The following PCDHGB2 variants were observed in gnomAD, a reference collection of about 807,000 sequenced individuals.
The protein encoded by PCDHGB2 is protocadherin gamma-B2.
A neutral mutation model predicts 59.3 loss-of-function variants in PCDHGB2; 55 were observed. The ratio of observed to expected loss-of-function variants is 0.93; its 90% CI spans 0.75 to 1.16. The LOEUF is 1.16. Among genes scored for constraint, PCDHGB2 ranks in the 50% most tolerant of loss-of-function variants. The pLI is 0.00. For synonymous variants in PCDHGB2, 516 were observed against 512.0 expected, an observed-to-expected ratio of 1.01 and a Z score of -0.11; for missense variants, 1,228 against 1,198.5, an observed-to-expected ratio of 1.02 and a Z score of -0.36.
rs1230185523 is a variant in PCDHGB2, at chr5:141,413,155, G to C, written c.2421+50599G>C. 10 of 1,576,552 alleles carry C rather than the reference G, an allele frequency of 6.3e-6. No individual in the cohort carries two copies. The South Asian group carries it at 1.2e-4, about 18-fold the overall frequency. ...CAACGTGTCCAGTGAGGACTTTGCA[G>C]AATTCTGTAACCAGACTACAATGGC... On this transcript the variant is annotated intron_variant, in intron 1 of 3. Coordinates refer to ENST00000522605, the MANE Select transcript of PCDHGB2 (RefSeq NM_018923.3).
In PCDHGB2 at chr5:141,371,087, T is replaced by C. The variant is rs761408104; in HGVS notation, c.2421+8531T>C. ...GCTGTACCACCCAGATCAGGGTAAT[T>C]GTCGCAGATGCAAATGATAACCCCC... On this transcript the variant is annotated intron_variant, in intron 1 of 3. Transcript: ENST00000522605. 8 of 1,613,772 alleles carry C rather than the reference T, an allele frequency of 5.0e-6. No individual in the cohort carries two copies. The South Asian group carries it at 8.8e-5, about 18-fold the overall frequency.
At chr5:141,370,963 G>A in intron 1 of PCDHGB2, 1 of 1,614,018 alleles carries the variant, frequency 6.2e-7, no homozygotes, top group Non-Finnish European at 8.5e-7. Flanking sequence ...GATGGCAGTA[G>A]GTACCCAGAG....
Position 141,371,988 on chromosome 5 carries a change from C to T in PCDHGB2, c.2421+9432C>T, listed in dbSNP as rs1283820650. 4 of 1,613,144 alleles carry T rather than the reference C, an allele frequency of 2.5e-6. No homozygotes were observed. The African/African-American group carries it at 5.3e-5, about 22-fold the overall frequency. The stretch of plus-strand genomic sequence containing the variant: ...GCAGCTGCGTGCCTTCGAGCTCACT[C>T]TGCAGGCCCGCGACCAGGGCTCGCC... On this transcript the variant is annotated intron_variant, in intron 1 of 3. Coordinates refer to ENST00000522605, the MANE Select transcript of PCDHGB2 (RefSeq NM_018923.3).
rs376661062 is a variant in PCDHGB2, at chr5:141,432,185, G to T, written c.2422-62622G>T. 6.2e-6 allele frequency: 10 copies of T among 1,613,956 alleles called. No individual in the cohort carries two copies. The highest frequency in any genetic ancestry group is 8.5e-6 in the Non-Finnish European group (10 of 1,180,030). ...AGGAGTTTCCCTCGTCTCTGTGACC[G>T]CCCACGACCCCGACTGTGAAGAGAA... On this transcript the variant is annotated intron_variant, in intron 1 of 3. Coordinates refer to ENST00000522605, the MANE Select transcript of PCDHGB2 (RefSeq NM_018923.3). The surrounding 1 kb of genome is among the most constrained non-coding windows in gnomAD (Gnocchi z 6.0).
chr5:141,367,803 T>C (rs760615921), intron 1 of PCDHGB2: 4 of 152,152 alleles, frequency 2.6e-5, no homozygotes, highest in African/African-American at 7.2e-5. Flanking sequence ...TCTTCTGTTA[T>C]AGATAAACCC....
intron 1 of PCDHGB2, chr5:141,399,997 A>C (rs2093936203): frequency 6.2e-7 from 1 of 1,612,226 alleles, no homozygotes; most frequent in African/African-American, 1.3e-5. Context: ...AGAGGTGCGC[A>C]CAGCGCGTGC....
At chr5:141,421,979 G>A in intron 1 of PCDHGB2, 1 of 1,609,702 alleles carries the variant, frequency 6.2e-7, no homozygotes, top group Non-Finnish European at 8.5e-7. Context: ...TATCGCGTGA[G>A]TGTTCCAGAA....
chr5:141,390,104 C>T, intron 1 of PCDHGB2: 1 of 1,614,070 alleles, frequency 6.2e-7, no homozygotes, highest in East Asian at 2.2e-5. Context: ...TTCCCCCCAA[C>T]TACAGCGAGG....
chr5:141,450,755 G>A (rs556795021), intron 1 of PCDHGB2, among the ~76,000 whole-genome samples: 8 of 152,040 alleles, frequency 5.3e-5, no homozygotes, highest in Admixed American at 1.3e-4. Context: ...CCAAAGTGCC[G>A]GGATTACAGG....
chr5:141,408,789 T>C, intron 1 of PCDHGB2: 1 of 1,612,724 alleles, frequency 6.2e-7, no homozygotes, highest in Non-Finnish European at 8.5e-7. Context: ...GAGTTATCTC[T>C]GGAGAAACTC....
At chr5:141,473,228 A>T (rs549587219) in intron 1 of PCDHGB2, among the ~76,000 whole-genome samples, 1 of 152,296 alleles carries the variant, frequency 6.6e-6, no homozygotes, top group African/African-American at 2.4e-5. Context: ...GGGAGATTGG[A>T]TCCACACAAG....
rs1368632691 is a variant in PCDHGB2 at position 141,485,071 on chromosome 5, C to A, written c.2422-9736C>A. ...GCCGGCCGAACCGCGCCAGAGCTGG[C>A]GCGGGGAAAGGGAGATAGGTGTCTC... On this transcript the variant is annotated intron_variant, in intron 1 of 3. Coordinates refer to ENST00000522605, the MANE Select transcript of PCDHGB2 (RefSeq NM_018923.3). This position sits in a 1 kb window ranked among gnomAD's most constrained non-coding sequence, Gnocchi z 5.7. 3.3e-6 allele frequency: 3 copies of A among 913,030 alleles called. No individual in the cohort carries two copies. Among genetic ancestry groups the A allele is most frequent in the Non-Finnish European group, 5.1e-6 (3 of 584,604 alleles). 56.6% of individuals were successfully genotyped at this position (913,030 alleles called of 1,614,324 possible).
chr5:141,485,174 A>G lies in PCDHGB2; in HGVS notation c.2422-9633A>G. 6.2e-7 allele frequency: 1 copy of G among 1,611,406 alleles called. No individual in the cohort carries two copies. The highest frequency in any genetic ancestry group is 8.5e-7 in the Non-Finnish European group (1 of 1,177,898). ...AGTAGAGAATTAGCGGGCGGCAGCA[A>G]TGCTCCGCAAGGTGAGAAGCTGGAC... On this transcript the variant is annotated intron_variant, in intron 1 of 3. Coordinates refer to ENST00000522605, the MANE Select transcript of PCDHGB2 (RefSeq NM_018923.3). The surrounding 1 kb of genome is among the most constrained non-coding windows in gnomAD (Gnocchi z 5.7).
chr5:141,381,826 C>CTTTTTTTTTTTTTTTTTTTTTTTTTTTTT (rs770630741), intron 1 of PCDHGB2, among the ~76,000 whole-genome samples: 16 of 74,292 alleles, frequency 2.2e-4, no homozygotes, highest in Admixed American at 5.8e-4. Context: ...CTTTCTTCTT[C>CTTTTTTTTTTTTTTTTTTTTTTTTTTTTT]TTTTTTTTTT....
intron 1 of PCDHGB2, among the ~76,000 whole-genome samples, chr5:141,425,111 A>G (rs2096857405): frequency 6.6e-6 from 1 of 152,144 alleles, no homozygotes; most frequent in Admixed American, 6.5e-5. Context: ...AGATGCCTAC[A>G]TTTTTCTTGA....
At chr5:141,414,085 G>C (rs1459185694) in intron 1 of PCDHGB2, 1 of 1,600,126 alleles carries the variant, frequency 6.2e-7, no homozygotes, top group Non-Finnish European at 8.5e-7. Context: ...ATATACTGGA[G>C]AAATAAAAAT....
Position 141,505,388 on chromosome 5 carries a change from C to T in PCDHGB2, c.2481-5C>T, listed in dbSNP as rs756505223. ...TCTGTGCTCACCATCCTACTCTCTCCCCAGCTCCCAAAATGGCGATGACAC... is the reference window on the plus strand; with the variant it reads ...TCTGTGCTCACCATCCTACTCTCTCTCCAGCTCCCAAAATGGCGATGACAC... On this transcript the variant is annotated splice_polypyrimidine_tract_variant and splice_region_variant and intron_variant, in intron 2 of 3. Transcript: ENST00000522605. The T allele has an allele frequency of 6.2e-7, 1 of 1,613,972 alleles. No homozygotes were observed. The highest frequency in any genetic ancestry group is 2.2e-5 in the East Asian group (1 of 44,886).
At chr5:141,369,790 A>G (rs1005074497) in intron 1 of PCDHGB2, among the ~76,000 whole-genome samples, 2 of 152,248 alleles carry the variant, frequency 1.3e-5, no homozygotes, top group African/African-American at 4.8e-5. Flanking sequence ...TCTTTATACT[A>G]CGTCTTCTGC....
chr5:141,447,168 T>C (rs1027377060), intron 1 of PCDHGB2, among the ~76,000 whole-genome samples: 2 of 152,174 alleles, frequency 1.3e-5, no homozygotes, highest in Non-Finnish European at 2.9e-5. Context: ...AAGCGGGGTC[T>C]TGCTCTTGTC....
Sources: gnomAD v4.1 joint callset for allele counts (sites outside exome capture counted in the v4.1 genomes callset) on GRCh38, gnomAD v4.1.1 for gene constraint, Gnocchi (gnomAD v3.1) non-coding constraint, MANE v1.5 for transcripts, NCBI Gene and HGNC (gene_info 2026-07-23, HGNC 2026-07-21) for gene names.